Variants in UBE4B observed in about 807,000 individuals in gnomAD.
The protein encoded by UBE4B is ubiquitin conjugation factor E4 B.
Under a neutral mutation model 148.1 loss-of-function variants are expected in UBE4B, and 27 were observed. The observed-to-expected ratio is 0.18, with a 90% CI of 0.13 to 0.25. The LOEUF is 0.25. Ranked by LOEUF, UBE4B falls within the 10% of genes least tolerant of loss-of-function variation. The pLI, the probability that UBE4B is intolerant of heterozygous loss-of-function variation, is 1.00. For synonymous variants in UBE4B, 596 were observed against 619.3 expected (o/e 0.96, Z 0.56); for missense variants, 1,170 against 1,662.4 (o/e 0.70, Z 5.15).
At chr1:10,154,832 A>G (rs966608266) in intron 21 of UBE4B, among the ~76,000 whole-genome samples, 1 of 151,636 alleles carries the variant, frequency 6.6e-6, no homozygotes, top group African/African-American at 2.4e-5. Flanking sequence ...ACAAGAGCAA[A>G]TCTCCATCTC....
chr1:10,133,989 G>A (rs1026320011), intron 15 of UBE4B, among the ~76,000 whole-genome samples: 12 of 151,732 alleles, frequency 7.9e-5, no homozygotes, highest in African/African-American at 2.4e-4. Context: ...GGTTGAGGCT[G>A]CAGTGAGCTA....
At chr1:10,110,873 G>A (rs1385011967) in intron 7 of UBE4B, among the ~76,000 whole-genome samples, 1 of 151,978 alleles carries the variant, frequency 6.6e-6, no homozygotes, top group Non-Finnish European at 1.5e-5. Context: ...GGCAAGCACA[G>A]GTAATCCTAT....
At chr1:10,034,883 C>CT (rs1240534015) in intron 1 of UBE4B, among the ~76,000 whole-genome samples, 13 of 152,164 alleles carry the variant, frequency 8.5e-5, no homozygotes, top group Admixed American at 6.6e-5. Flanking sequence ...TTCGGCGTTA[C>CT]TTTGTTTTTT....
intron 7 of UBE4B, among the ~76,000 whole-genome samples, chr1:10,114,754 C>G (rs930567188): frequency 6.6e-6 from 1 of 152,092 alleles, no homozygotes; most frequent in African/African-American, 2.4e-5. Flanking sequence ...GTCCCAGCTA[C>G]TTGGGAGGCT....
intron 5 of UBE4B, 197 bp downstream of exon 5, chr1:10,103,289 T>C (rs1645045756): frequency 6.7e-6 from 3 of 447,782 alleles, no homozygotes. Context: ...TAACTTATTT[T>C]TCATTTCCAT....
chr1:10,039,145 G>A (rs1643662811), intron 1 of UBE4B, among the ~76,000 whole-genome samples: 1 of 151,878 alleles, frequency 6.6e-6, no homozygotes, highest in Non-Finnish European at 1.5e-5. Context: ...AGATAGATAG[G>A]AATCCAACAG....
intron 7 of UBE4B, among the ~76,000 whole-genome samples, chr1:10,116,108 A>G (rs970766594): frequency 6.6e-6 from 1 of 152,162 alleles, no homozygotes; most frequent in Non-Finnish European, 1.5e-5. Context: ...GGGTTGAAGT[A>G]GGGATGTGTC....
At position 10,092,841 on chromosome 1, in the gene UBE4B, GAAGA is replaced by G. The variant is rs1387261854; in HGVS notation, c.212-2613_212-2610del. On this transcript the variant is annotated intron_variant, in intron 2 of 27. Transcript: ENST00000343090. ...GAAACTCTATCTCAAAAAAAAAAAA[GAAGA>G]AAGAAAAGAAAAGAAGGAATGGAGT... 4.0e-5 allele frequency among the ~76,000 whole-genome samples: 6 copies of G among 151,016 alleles called. No individual in the cohort carries two copies. In the South Asian group the frequency reaches 8.3e-4, roughly 21 times the overall value.
chr1:10,172,108 GT>G (rs1646347765), intron 25 of UBE4B, among the ~76,000 whole-genome samples: 1 of 152,112 alleles, frequency 6.6e-6, no homozygotes, highest in South Asian at 2.1e-4. Context: ...AAAATCTTGT[GT>G]GGTTTTCTTT....
intron 2 of UBE4B, among the ~76,000 whole-genome samples, chr1:10,079,072 A>G (rs1644631555): frequency 1.3e-5 from 2 of 152,042 alleles, no homozygotes; most frequent in South Asian, 2.1e-4. Flanking sequence ...TCCTGCCTCA[A>G]TCTCTCAAAG....
At chr1:10,051,673 A>G (rs967204352) in intron 1 of UBE4B, among the ~76,000 whole-genome samples, 1 of 152,152 alleles carries the variant, frequency 6.6e-6, no homozygotes, top group Non-Finnish European at 1.5e-5. Flanking sequence ...TGGAGTGTAG[A>G]GCTTTGAAAG....
chr1:10,148,645 A>T (rs1645919356), intron 19 of UBE4B, among the ~76,000 whole-genome samples: 1 of 150,364 alleles, frequency 6.7e-6, no homozygotes. Context: ...AAAAAAAAAA[A>T]AATCAAGAAA....
intron 17 of UBE4B, among the ~76,000 whole-genome samples, chr1:10,137,698 A>G (rs1645712050): frequency 6.6e-6 from 1 of 152,126 alleles, no homozygotes; most frequent in South Asian, 2.1e-4. Flanking sequence ...CCAATTCATT[A>G]GCACCATGGT....
At chr1:10,055,459 C>T (rs1446024176) in intron 1 of UBE4B, among the ~76,000 whole-genome samples, 5 of 152,094 alleles carry the variant, frequency 3.3e-5, no homozygotes, top group Admixed American at 6.6e-5. Flanking sequence ...GGACTACAGG[C>T]GTGTGCTGCC....
intron 15 of UBE4B, among the ~76,000 whole-genome samples, chr1:10,134,516 A>AAAAAG (rs548045315): frequency 2.4e-3 from 359 of 152,230 alleles, no homozygotes; most frequent in African/African-American, 7.9e-3. Flanking sequence ...CCATCTCAAA[A>AAAAAG]AAAAGAAAAG....
intron 21 of UBE4B, among the ~76,000 whole-genome samples, chr1:10,156,123 C>T (rs1646066686): frequency 6.6e-6 from 1 of 150,550 alleles, no homozygotes. Flanking sequence ...CCTTCTAGAA[C>T]AAGGACCTGG....
intron 5 of UBE4B, among the ~76,000 whole-genome samples, chr1:10,103,559 A>C (rs1189082788): frequency 6.7e-6 from 1 of 149,860 alleles, no homozygotes; most frequent in Non-Finnish European, 1.5e-5. Flanking sequence ...CGGCCACTGG[A>C]GTAGCTGGGA....
At chr1:10,144,691 CA>C (rs1330993718) in intron 17 of UBE4B, among the ~76,000 whole-genome samples, 2 of 147,488 alleles carry the variant, frequency 1.4e-5, no homozygotes, top group African/African-American at 5.1e-5. Context: ...GCTGAGATTG[CA>C]GCACTGCACT....
At chr1:10,047,488 C>CTTTTTTTTT (rs952378949) in intron 1 of UBE4B, among the ~76,000 whole-genome samples, 2 of 116,028 alleles carry the variant, frequency 1.7e-5, no homozygotes, top group African/African-American at 3.5e-5. Flanking sequence ...CTTCATATAT[C>CTTTTTTTTT]TTTTTTTTTT....
Sources: gnomAD v4.1 joint callset for allele counts (sites outside exome capture counted in the v4.1 genomes callset) on GRCh38, gnomAD v4.1.1 for gene constraint, MANE v1.5 for transcripts, NCBI Gene and HGNC (gene_info 2026-07-23, HGNC 2026-07-21) for gene names.